The following KCNB2 variants were observed in gnomAD, a reference collection of about 807,000 sequenced individuals.
KCNB2 encodes potassium voltage-gated channel subfamily B member 2.
A neutral mutation model predicts 61.5 loss-of-function variants in KCNB2; 15 were observed. That is an observed-to-expected ratio of 0.24 (90% confidence interval 0.16 to 0.38). The LOEUF (loss-of-function observed/expected upper bound fraction) is 0.38, where lower values mean the gene tolerates loss of function less well. Ranked by LOEUF, KCNB2 falls within the 10% of genes least tolerant of loss-of-function variation. The pLI is 1.00. For synonymous variants in KCNB2, 457 were observed against 446.0 expected (o/e 1.02, Z -0.31); for missense variants, 828 against 1,125.2 (o/e 0.74, Z 3.78).
chr8:72,619,531 A>AT (rs374172215), intron 2 of KCNB2: 7,143 of 144,216 alleles, frequency 0.05, 194 homozygotes, highest in Middle Eastern at 0.12. Flanking sequence ...GATTACCTCC[A>AT]TTTTTTTTTT....
chr8:72,768,700 C>T (rs1016366879), intron 2 of KCNB2, among the ~76,000 whole-genome samples: 11 of 152,060 alleles, frequency 7.2e-5, no homozygotes, highest in African/African-American at 2.7e-4. Flanking sequence ...GTATCTCTCA[C>T]ACTTATTCTA....
chr8:72,775,117 A>G (rs984628768), intron 2 of KCNB2, among the ~76,000 whole-genome samples: 2 of 152,068 alleles, frequency 1.3e-5, no homozygotes, highest in Non-Finnish European at 2.9e-5. Flanking sequence ...TCCCCCTCCC[A>G]TGGCCTCTGA....
At chr8:72,704,537 G>T (rs1325865086) in intron 2 of KCNB2, among the ~76,000 whole-genome samples, 1 of 141,404 alleles carries the variant, frequency 7.1e-6, no homozygotes. Flanking sequence ...GTGTGTGTGT[G>T]TATTGGTGAA....
chr8:72,842,504 G>A (rs1399200493), intron 2 of KCNB2, among the ~76,000 whole-genome samples: 4 of 152,180 alleles, frequency 2.6e-5, no homozygotes, highest in Non-Finnish European at 5.9e-5. Flanking sequence ...GTTTCAGAAG[G>A]AATGGTACCA....
intron 2 of KCNB2, among the ~76,000 whole-genome samples, chr8:72,771,838 T>G (rs1808566893): frequency 6.6e-6 from 1 of 152,052 alleles, no homozygotes; most frequent in African/African-American, 2.4e-5. Flanking sequence ...ATTTGAGAGG[T>G]AAGCATGTTT....
Position 72,938,060 on chromosome 8 carries a change from G to C in KCNB2, c.2705G>C (p.Gly902Ala). The C allele has an allele frequency of 3.1e-6, 5 of 1,612,872 alleles. No homozygotes were observed. The highest frequency in any genetic ancestry group is 3.4e-6 in the Non-Finnish European group (4 of 1,179,430). Residue 902 changes from glycine (G) to alanine (A), a missense_variant, in exon 3 of 3, where the codon GGT (glycine) becomes GCT (alanine). Gly to Ala is a moderately conservative substitution (Grantham distance 60). Transcript: ENST00000523207. ...ATTCATTCCAACCCAGGAGACACAGGTTATTGTCCCACACGTGAAACCAGC... is the reference window on the plus strand; with the variant it reads ...ATTCATTCCAACCCAGGAGACACAGCTTATTGTCCCACACGTGAAACCAGC... ...PEIHSNPGDT[G>A]YCPTRETSM
chr8:72,900,442 A>G (rs1806068930), intron 2 of KCNB2, among the ~76,000 whole-genome samples: 2 of 152,192 alleles, frequency 1.3e-5, no homozygotes, highest in Non-Finnish European at 2.9e-5. Context: ...CTTGGCAAAG[A>G]ATTTTTGGCT....
rs140676825 is a variant in KCNB2 at position 72,745,910 on chromosome 8, C to G, written c.579+177597C>G. On this transcript the variant is annotated intron_variant, in intron 2 of 2. Coordinates refer to ENST00000523207, the MANE Select transcript of KCNB2 (RefSeq NM_004770.3). ...GCCCACCATGAATAACAAAGACACTCTTATCACTCTGAAAATTTCAAGGGT... is the reference window on the plus strand; with the variant it reads ...GCCCACCATGAATAACAAAGACACTGTTATCACTCTGAAAATTTCAAGGGT... Among the ~76,000 whole-genome samples the G allele has an allele frequency of 4.7e-3, 713 of 152,232 alleles. 7 individuals carry two copies. Among genetic ancestry groups the G allele is most frequent in the African/African-American group, 0.016 (681 of 41,542 alleles).
chr8:72,851,826 G>GAAACAAAAAAAAAAAAA (rs1810116137), intron 2 of KCNB2, among the ~76,000 whole-genome samples: 1 of 43,868 alleles, frequency 2.3e-5, no homozygotes. Context: ...GAAGCTGTAG[G>GAAACAAAAAAAAAAAAA]AAAAAAAAAA....
At chr8:72,633,569 CT>C (rs1331268430) in intron 2 of KCNB2, among the ~76,000 whole-genome samples, 1 of 152,124 alleles carries the variant, frequency 6.6e-6, no homozygotes, top group African/African-American at 2.4e-5. Context: ...ACCTGAGAGT[CT>C]GCATCTCTGT....
intron 2 of KCNB2, among the ~76,000 whole-genome samples, chr8:72,883,518 A>G (rs1334596497): frequency 1.3e-5 from 2 of 152,228 alleles, no homozygotes; most frequent in Non-Finnish European, 2.9e-5. Context: ...GATCTATAGA[A>G]GAGAACTGAG....
At chr8:72,873,639 A>T (rs552514436) in intron 2 of KCNB2, among the ~76,000 whole-genome samples, 2 of 152,342 alleles carry the variant, frequency 1.3e-5, no homozygotes, top group East Asian at 3.9e-4. Context: ...AGTTGTTGAG[A>T]GTGTGGCAAG....
intron 2 of KCNB2, among the ~76,000 whole-genome samples, chr8:72,903,145 T>C (rs770800865): frequency 2.0e-5 from 3 of 152,204 alleles, no homozygotes; most frequent in Non-Finnish European, 4.4e-5. Flanking sequence ...AGGCAAACAC[T>C]GAAACTCTTG....
intron 1 of KCNB2, among the ~76,000 whole-genome samples, chr8:72,566,728 A>G (rs1272613543): frequency 1.3e-5 from 2 of 151,848 alleles, no homozygotes; most frequent in African/African-American, 4.8e-5. Context: ...AAAAAAAAGA[A>G]AGAAAGGAAA....
intron 2 of KCNB2, among the ~76,000 whole-genome samples, chr8:72,596,162 G>A (rs550180060): frequency 2.1e-4 from 32 of 152,338 alleles, no homozygotes; most frequent in African/African-American, 7.5e-4. Flanking sequence ...AAACTGAAAG[G>A]AAGGTGAGTA....
chr8:72,598,244 T>C (rs974960016), intron 2 of KCNB2, among the ~76,000 whole-genome samples: 3 of 152,226 alleles, frequency 2.0e-5, no homozygotes, highest in African/African-American at 2.4e-5. Flanking sequence ...TCAAAAAGCT[T>C]ATCCACCATG....
At chr8:72,625,106 C>T (rs1490046072) in intron 2 of KCNB2, among the ~76,000 whole-genome samples, 2 of 152,172 alleles carry the variant, frequency 1.3e-5, no homozygotes, top group East Asian at 1.9e-4. Context: ...AGCGGGAGAC[C>T]CAGTGAAGCC....
intron 2 of KCNB2, among the ~76,000 whole-genome samples, chr8:72,757,434 G>A (rs1457902719): frequency 2.6e-5 from 4 of 152,168 alleles, no homozygotes; most frequent in Non-Finnish European, 4.4e-5. Context: ...TGGAGGAAAA[G>A]GCAGAATTCA....
At chr8:72,625,432 T>C (rs1205226423) in intron 2 of KCNB2, among the ~76,000 whole-genome samples, 2 of 152,130 alleles carry the variant, frequency 1.3e-5, no homozygotes, top group African/African-American at 4.8e-5. Context: ...TATTTTTAAC[T>C]TTTATTATTA....
Sources: gnomAD v4.1 joint callset for allele counts (sites outside exome capture counted in the v4.1 genomes callset) on GRCh38, gnomAD v4.1.1 for gene constraint, MANE v1.5 for transcripts, NCBI Gene and HGNC (gene_info 2026-07-23, HGNC 2026-07-21) for gene names.